The following RAPGEF2 variants were observed in gnomAD, a reference collection of about 807,000 sequenced individuals.
The protein encoded by RAPGEF2 is PDZ domain containing guanine nucleotide exchange factor (GEF) 1.
In RAPGEF2, 54 loss-of-function variants were observed where a neutral mutation model predicts 186.7. The ratio of observed to expected loss-of-function variants is 0.29; its 90% CI spans 0.23 to 0.36. RAPGEF2 has a LOEUF of 0.36. Among genes scored for constraint, RAPGEF2 ranks in the 10% least tolerant of loss-of-function variants. The pLI, the probability that RAPGEF2 is intolerant of heterozygous loss-of-function variation, is 1.00. For missense variants in RAPGEF2, 1,532 were observed against 2,045.0 expected, an observed-to-expected ratio of 0.75 and a Z score of 4.84; for synonymous variants, 712 against 705.9, an observed-to-expected ratio of 1.01 and a Z score of -0.14.
At position 159,356,168 on chromosome 4, in the gene RAPGEF2, C is replaced by T. The variant is rs776212528; in HGVS notation, c.4957+10C>T. The T allele has an allele frequency of 1.2e-6, 2 of 1,606,210 alleles. No homozygotes were observed. Among genetic ancestry groups the T allele is most frequent in the African/African-American group, 1.3e-5 (1 of 74,902 alleles). ...TCCACCGAGGAGGATGGTATATGCA[C>T]ATAAATATTCCTAAAACCTCCAAGT... On this transcript the variant is annotated intron_variant, in intron 29 of 29. Transcript: ENST00000691494.
At position 159,343,107 on chromosome 4, in the gene RAPGEF2, A is replaced by C. The variant is rs1315939501; in HGVS notation, c.3047A>C (p.Asn1016Thr). The C allele has an allele frequency of 6.2e-7, 1 of 1,614,006 alleles. No individual in the cohort carries two copies. Among genetic ancestry groups the C allele is most frequent in the Non-Finnish European group, 8.5e-7 (1 of 1,179,980 alleles). Reference sequence around the variant, plus strand: ...TCCAGAAACATGGCAAAATATCGTAATGTTCTCAATAGTCAAAATCTACAA... The same window carrying C: ...TCCAGAAACATGGCAAAATATCGTACTGTTCTCAATAGTCAAAATCTACAA... ...DPSRNMAKYRNVLNSQNLQPP... is the reference protein window; with the variant it reads ...DPSRNMAKYRTVLNSQNLQPP... The change falls in exon 21 of 30, where the codon AAT becomes ACT. Residue 1016 changes from asparagine (N) to threonine (T), a missense_variant. Physicochemically the swap from Asn to Thr is moderately conservative, Grantham distance 65 (BLOSUM62 0). This residue lies in a region of RAPGEF2 where 11 missense variants were observed against 45.2 expected (regional missense o/e 0.24). Transcript: ENST00000691494.
chr4:159,105,158 C>G (rs1019420951), intron 1 of RAPGEF2, among the ~76,000 whole-genome samples: 5 of 152,168 alleles, frequency 3.3e-5, no homozygotes, highest in African/African-American at 1.2e-4. Flanking sequence ...TTTTCTCCGC[C>G]TTTAGTTGCT....
chr4:159,262,826 C>CT lies in RAPGEF2; in HGVS notation c.543+19046dup, dbSNP rs10708513. Among the ~76,000 whole-genome samples the CT allele has an allele frequency of 3.5e-3, 520 of 149,096 alleles. 1 individual carries two copies. Among genetic ancestry groups the CT allele is most frequent in the Non-Finnish European group, 4.4e-3 (297 of 66,846 alleles). ...CACATAAACAGTTTGCCGTCAGAAACTTTTTTTTTTTAACATTTCCTTGGA... is the reference window on the plus strand; with the variant it reads ...CACATAAACAGTTTGCCGTCAGAAACTTTTTTTTTTTTAACATTTCCTTGGA... On this transcript the variant is annotated intron_variant, in intron 7 of 29. Transcript: ENST00000691494.
chr4:159,210,758 T>A (rs1750441422), intron 4 of RAPGEF2, among the ~76,000 whole-genome samples, 175 bp downstream of exon 4: 1 of 152,214 alleles, frequency 6.6e-6, no homozygotes, highest in Non-Finnish European at 1.5e-5. Flanking sequence ...TGTATATACT[T>A]TTCCAATCTC....
chr4:159,226,016 A>C (rs1361828996), intron 4 of RAPGEF2, among the ~76,000 whole-genome samples: 2 of 152,050 alleles, frequency 1.3e-5, no homozygotes, highest in East Asian at 3.8e-4. Flanking sequence ...CCTTTTTTAT[A>C]ATTTGTACTT....
At chr4:159,118,029 A>G (rs1021870885) in intron 1 of RAPGEF2, among the ~76,000 whole-genome samples, 9 of 152,170 alleles carry the variant, frequency 5.9e-5, no homozygotes, top group Admixed American at 3.9e-4. Flanking sequence ...CCAATCTCCT[A>G]TAATTGTGAA....
intron 1 of RAPGEF2, among the ~76,000 whole-genome samples, chr4:159,166,452 A>C (rs1745330692): frequency 6.6e-6 from 1 of 152,178 alleles, no homozygotes; most frequent in South Asian, 2.1e-4. Context: ...ACTGTTTTGC[A>C]GATAATAAGT....
intron 7 of RAPGEF2, among the ~76,000 whole-genome samples, chr4:159,270,559 T>A (rs1407377139): frequency 1.3e-5 from 2 of 152,176 alleles, no homozygotes; most frequent in Non-Finnish European, 2.9e-5. Flanking sequence ...GCATTTTTTT[T>A]AGCTATGATT....
intron 1 of RAPGEF2, among the ~76,000 whole-genome samples, chr4:159,179,846 G>A (rs569150659): frequency 2.6e-5 from 4 of 152,224 alleles, no homozygotes; most frequent in Admixed American, 2.6e-4. Context: ...TCTTGGTTGT[G>A]CTGCCTGAAA....
At chr4:159,316,752 G>A (rs6536410) in intron 9 of RAPGEF2, among the ~76,000 whole-genome samples, 152,329 of 152,338 alleles carry the variant, frequency 1, 76,160 homozygotes, top group Middle Eastern at 1. Flanking sequence ...TGTCTTTGCT[G>A]TTATGAATTG....
chr4:159,186,577 T>C, intron 1 of RAPGEF2, 65 bp from the exon 2 acceptor site: 1 of 784,200 alleles, frequency 1.3e-6, no homozygotes, highest in East Asian at 2.9e-5. Flanking sequence ...AGATACAGTG[T>C]GACTTATTTT....
chr4:159,245,709 C>T (rs1160636704), intron 7 of RAPGEF2, among the ~76,000 whole-genome samples: 8 of 151,900 alleles, frequency 5.3e-5, no homozygotes, highest in Non-Finnish European at 1.0e-4. Flanking sequence ...ATTGGAGTGA[C>T]GTGGGAAGCT....
At chr4:159,260,421 GT>G (rs901452500) in intron 7 of RAPGEF2, among the ~76,000 whole-genome samples, 13 of 151,736 alleles carry the variant, frequency 8.6e-5, no homozygotes, top group Admixed American at 4.6e-4. Flanking sequence ...TTAATGTAGT[GT>G]TTTTTTTCCT....
chr4:159,133,153 T>C (rs541924415), intron 1 of RAPGEF2, among the ~76,000 whole-genome samples: 5 of 152,290 alleles, frequency 3.3e-5, no homozygotes, highest in Non-Finnish European at 7.4e-5. Context: ...TACTGATCTT[T>C]CCATATCAGT....
At chr4:159,240,331 CTTTTTTTTT>C (rs370477370) in intron 5 of RAPGEF2, among the ~76,000 whole-genome samples, 3 of 77,610 alleles carry the variant, frequency 3.9e-5, no homozygotes, top group African/African-American at 5.4e-5. Flanking sequence ...AGCATTTCTA[CTTTTTTTTT>C]TTTTTTTTTT....
intron 4 of RAPGEF2, among the ~76,000 whole-genome samples, chr4:159,213,513 T>C (rs1297507579): frequency 3.3e-5 from 5 of 152,220 alleles, no homozygotes; most frequent in Admixed American, 3.3e-4. Flanking sequence ...TTTTATATTT[T>C]TGATGAATTC....
chr4:159,129,797 G>T (rs1166250045), intron 1 of RAPGEF2, among the ~76,000 whole-genome samples: 3 of 152,196 alleles, frequency 2.0e-5, no homozygotes, highest in African/African-American at 7.2e-5. Flanking sequence ...TGAAAAGAGG[G>T]TTCTTGGATC....
At chr4:159,277,101 GT>G (rs1322534097) in intron 7 of RAPGEF2, among the ~76,000 whole-genome samples, 13 of 138,142 alleles carry the variant, frequency 9.4e-5, no homozygotes, top group African/African-American at 3.5e-4. Flanking sequence ...AGGCCCAGTT[GT>G]GTGATGTTCC....
chr4:159,349,017 A>C (rs1730800781), intron 25 of RAPGEF2, among the ~76,000 whole-genome samples: 1 of 152,190 alleles, frequency 6.6e-6, no homozygotes, highest in Non-Finnish European at 1.5e-5. Context: ...CAGCTTTCTC[A>C]GGCATAATAT....
Sources: gnomAD v4.1 joint callset for allele counts (sites outside exome capture counted in the v4.1 genomes callset) on GRCh38, gnomAD v4.1.1 for gene constraint, gnomAD v4.1.1 regional missense constraint, MANE v1.5 for transcripts, NCBI Gene and HGNC (gene_info 2026-07-23, HGNC 2026-07-21) for gene names.